The following KSR2 variants were observed in gnomAD, a reference collection of about 807,000 sequenced individuals.
KSR2 encodes kinase suppressor of ras 2.
KSR2 carries 25 observed loss-of-function variants against 107.8 expected under a neutral mutation model. That is an observed-to-expected ratio of 0.23 (90% CI 0.17 to 0.32). The LOEUF (loss-of-function observed/expected upper bound fraction) is 0.32. KSR2 is among the 10% of genes least tolerant of loss of function. The pLI is 1.00. For synonymous variants in KSR2, 480 were observed against 507.0 expected (o/e 0.95, Z 0.71); for missense variants, 887 against 1,268.9 (o/e 0.70, Z 4.57).
intron 4 of KSR2, among the ~76,000 whole-genome samples, chr12:117,671,659 C>T (rs1166066480): frequency 3.3e-5 from 5 of 152,208 alleles, no homozygotes; most frequent in Admixed American, 3.3e-4. Flanking sequence ...GATCCTTCAT[C>T]CCTTAGCTTA....
chr12:117,785,414 CAAAAAAAAAAAAAAAAAAA>C (rs374881532), intron 3 of KSR2, among the ~76,000 whole-genome samples: 3 of 37,408 alleles, frequency 8.0e-5, no homozygotes, highest in African/African-American at 1.8e-4. Flanking sequence ...GACTCCATCT[CAAAAAAAAAAAAAAAAAAA>C]AAAAAAAAAA....
At chr12:117,511,696 G>A (rs563942854) in intron 14 of KSR2, among the ~76,000 whole-genome samples, 1 of 152,292 alleles carries the variant, frequency 6.6e-6, no homozygotes, top group East Asian at 1.9e-4. Flanking sequence ...AATATCCATA[G>A]TGCCATTTCA....
At chr12:117,817,648 A>G (rs1891419886) in intron 3 of KSR2, among the ~76,000 whole-genome samples, 3 of 152,176 alleles carry the variant, frequency 2.0e-5, no homozygotes, top group Admixed American at 6.5e-5. Context: ...CTTGCTATCA[A>G]TGGCCCCAAT....
chr12:117,467,331 G>T, intron 19 of KSR2, 126 bp from the exon 20 acceptor site: 3 of 519,462 alleles, frequency 5.8e-6, no homozygotes, highest in Non-Finnish European at 1.1e-5. Context: ...TCTTCTGCAA[G>T]AAGACATGGA....
At chr12:117,511,879 C>T (rs964543155) in intron 14 of KSR2, among the ~76,000 whole-genome samples, 1 of 152,128 alleles carries the variant, frequency 6.6e-6, no homozygotes, top group African/African-American at 2.4e-5. Context: ...TCTCAGCGAC[C>T]CCACACTGCC....
At chr12:117,925,989 G>C (rs1358744541) in intron 1 of KSR2, among the ~76,000 whole-genome samples, 1 of 152,122 alleles carries the variant, frequency 6.6e-6, no homozygotes, top group Admixed American at 6.6e-5. Context: ...TTGAGGTCAG[G>C]AGTTCAAGAC....
chr12:117,960,280 T>C (rs1896621828), intron 1 of KSR2, among the ~76,000 whole-genome samples: 1 of 152,180 alleles, frequency 6.6e-6, no homozygotes, highest in Non-Finnish European at 1.5e-5. Flanking sequence ...CTGTGGTATA[T>C]TGTGACATTA....
At chr12:117,837,838 G>A (rs775749994) in intron 3 of KSR2, among the ~76,000 whole-genome samples, 15 of 152,212 alleles carry the variant, frequency 9.9e-5, no homozygotes, top group Admixed American at 4.6e-4. Flanking sequence ...GGGTAGGGAA[G>A]TACCGTCTCC....
chr12:117,761,154 C>T lies in KSR2; in HGVS notation c.843G>A (p.Lys281=), dbSNP rs759623410. The change falls in exon 4 of 20, where the codon AAG becomes AAA. Residue 281 remains lysine, a synonymous_variant. Coordinates refer to ENST00000339824, the MANE Select transcript of KSR2 (RefSeq NM_173598.6). ...VTPPGTPPMR[K]KNKLKPPGTP... is the part of the protein sequence containing the mutation. ...TCCCCGGGGGCTTCAGCTTGTTCTT[C>T]TTCCTCATGGGCGGCGTGCCCGGCG... 2 of 1,608,942 alleles carry T rather than the reference C, an allele frequency of 1.2e-6. No homozygotes were observed. The highest frequency in any genetic ancestry group is 1.7e-6 in the Non-Finnish European group (2 of 1,176,638).
At chr12:117,487,803 TCAG>T (rs1258685862) in intron 14 of KSR2, among the ~76,000 whole-genome samples, 1 of 152,134 alleles carries the variant, frequency 6.6e-6, no homozygotes, top group African/African-American at 2.4e-5. Context: ...CTCTTTCCCT[TCAG>T]CAGCTGCTGA....
intron 3 of KSR2, among the ~76,000 whole-genome samples, chr12:117,817,563 C>A (rs1891417419): frequency 6.6e-6 from 1 of 152,180 alleles, no homozygotes; most frequent in Non-Finnish European, 1.5e-5. Flanking sequence ...AAGGACCCTG[C>A]TCCAGGATCT....
intron 3 of KSR2, among the ~76,000 whole-genome samples, chr12:117,814,525 C>A (rs1233934705): frequency 6.6e-6 from 1 of 152,122 alleles, no homozygotes; most frequent in African/African-American, 2.4e-5. Context: ...CACCAAGACC[C>A]CTGACAAAGG....
At chr12:117,860,649 G>A (rs1350126223) in intron 1 of KSR2, among the ~76,000 whole-genome samples, 1 of 152,194 alleles carries the variant, frequency 6.6e-6, no homozygotes, top group African/African-American at 2.4e-5. Context: ...GGTTGGGGGA[G>A]GCGGCGCACA....
Position 117,656,961 on chromosome 12 carries a change from AG to A in KSR2, c.1171+10512del, listed in dbSNP as rs1222686272. On this transcript the variant is annotated intron_variant, in intron 5 of 19. Coordinates refer to ENST00000339824, the MANE Select transcript of KSR2 (RefSeq NM_173598.6). ...AATAGGATATATATATATATATAAT[AG>A]GATATATATATATAATAGGATATAT... Among the ~76,000 whole-genome samples, 373 of 82,022 alleles carry A rather than the reference AG, an allele frequency of 4.5e-3. 5 individuals are homozygous for A. The highest frequency in any genetic ancestry group is 7.7e-3 in the South Asian group (15 of 1,936). 53.8% of individuals were successfully genotyped at this position (82,022 alleles called of 152,430 possible). A position where few individuals can be genotyped will look rare whatever the true frequency, so the allele number is the denominator to read the frequency against.
chr12:117,937,279 T>A (rs1396039745), intron 1 of KSR2, among the ~76,000 whole-genome samples: 24 of 152,212 alleles, frequency 1.6e-4, no homozygotes, highest in Non-Finnish European at 1.5e-5. Flanking sequence ...TCTGCCCTGC[T>A]GTTAATCATA....
At chr12:117,927,988 C>T (rs1185761295) in intron 1 of KSR2, among the ~76,000 whole-genome samples, 3 of 152,104 alleles carry the variant, frequency 2.0e-5, no homozygotes, top group Non-Finnish European at 2.9e-5. Context: ...CCATAACTCG[C>T]CACTGCCCTC....
intron 10 of KSR2, among the ~76,000 whole-genome samples, chr12:117,534,675 A>G (rs1229780474): frequency 6.6e-6 from 1 of 151,960 alleles, no homozygotes; most frequent in Non-Finnish European, 1.5e-5. Context: ...CTGTGAATCC[A>G]TTTCATTACA....
At chr12:117,935,619 G>C (rs931831537) in intron 1 of KSR2, among the ~76,000 whole-genome samples, 5 of 152,122 alleles carry the variant, frequency 3.3e-5, no homozygotes, top group African/African-American at 1.2e-4. Context: ...AAGTTAGCCG[G>C]TCGTAGTAGT....
chr12:117,847,157 G>A (rs139259589), intron 3 of KSR2, among the ~76,000 whole-genome samples: 32 of 152,340 alleles, frequency 2.1e-4, no homozygotes, highest in African/African-American at 5.8e-4. Context: ...TGTGGGCTCC[G>A]GGAGGAGCAG....
Sources: allele counts gnomAD v4.1 joint callset (sites outside exome capture counted in the v4.1 genomes callset), GRCh38; gene constraint gnomAD v4.1.1; transcripts MANE v1.5; gene names NCBI Gene and HGNC (gene_info 2026-07-23, HGNC 2026-07-21).